Variants in KCNH1 observed in about 807,000 individuals in gnomAD.
The protein encoded by KCNH1 is potassium voltage-gated channel subfamily H member 1, also known as voltage-gated delayed rectifier potassium channel KCNH1.
Under a neutral mutation model 69.2 loss-of-function variants are expected in KCNH1, and 27 were observed. The observed-to-expected ratio is 0.39, with a 90% CI of 0.29 to 0.54. The LOEUF is 0.54. Among genes scored for constraint, KCNH1 ranks in the 20% least tolerant of loss-of-function variants. The pLI, the probability that KCNH1 is intolerant of heterozygous loss-of-function variation, is 0.68. For synonymous variants in KCNH1, 456 were observed against 487.7 expected (o/e 0.93, Z 0.86); for missense variants, 798 against 1,261.6 (o/e 0.63, Z 5.57).
chr1:211,081,928 G>A (rs1260668327), intron 5 of KCNH1, among the ~76,000 whole-genome samples: 2 of 152,104 alleles, frequency 1.3e-5, no homozygotes, highest in African/African-American at 2.4e-5. Flanking sequence ...TAATAAGCCT[G>A]CACTTTGTGC....
chr1:210,946,803 G>A (rs568891573), intron 6 of KCNH1, among the ~76,000 whole-genome samples: 4 of 152,144 alleles, frequency 2.6e-5, no homozygotes, highest in Admixed American at 6.5e-5. Context: ...TGTCCTTCAC[G>A]TAGGCGGGTT....
intron 10 of KCNH1, among the ~76,000 whole-genome samples, chr1:210,714,982 C>T (rs144710326): frequency 1.3e-5 from 2 of 152,194 alleles, no homozygotes; most frequent in Non-Finnish European, 2.9e-5. Flanking sequence ...CTGACCGGCA[C>T]AGACTACCCA....
chr1:210,817,004 A>G (rs1684830324), intron 7 of KCNH1, among the ~76,000 whole-genome samples: 1 of 152,182 alleles, frequency 6.6e-6, no homozygotes, highest in South Asian at 2.1e-4. Context: ...ATTTTTGCCA[A>G]CTCTAATCTC....
At chr1:210,959,882 C>T (rs940920408) in intron 6 of KCNH1, among the ~76,000 whole-genome samples, 73 of 152,336 alleles carry the variant, frequency 4.8e-4, no homozygotes, top group African/African-American at 1.7e-3. Flanking sequence ...CAATGCCCCG[C>T]CCTGCTTCAG....
Position 211,114,246 on chromosome 1 carries a change from T to C in KCNH1, c.80-6869A>G, listed in dbSNP as rs112563120. ...GCTCCAGATACTATGCAAGGGCCAC[T>C]TGTTTCCACCCCACACACCATCTTA... is the stretch of plus-strand genomic sequence containing the variant. On this transcript the variant is annotated intron_variant, in intron 1 of 10. Transcript: ENST00000271751. 3.8e-3 allele frequency among the ~76,000 whole-genome samples: 575 copies of C among 152,190 alleles called. 4 individuals are homozygous for C. The highest frequency in any genetic ancestry group is 0.013 in the African/African-American group (538 of 41,528).
At chr1:210,929,200 C>A (rs923813985) in intron 6 of KCNH1, among the ~76,000 whole-genome samples, 3 of 152,062 alleles carry the variant, frequency 2.0e-5, no homozygotes, top group African/African-American at 7.2e-5. Context: ...ACCCTACTAC[C>A]AAAATCAGGG....
At chr1:211,093,516 C>T (rs1299569205) in intron 3 of KCNH1, among the ~76,000 whole-genome samples, 2 of 152,134 alleles carry the variant, frequency 1.3e-5, no homozygotes, top group Non-Finnish European at 2.9e-5. Flanking sequence ...AAACCCCTGA[C>T]CTCAGGTGAT....
At chr1:210,989,931 A>G (rs1688908369) in intron 6 of KCNH1, among the ~76,000 whole-genome samples, 1 of 152,180 alleles carries the variant, frequency 6.6e-6, no homozygotes, top group South Asian at 2.1e-4. Context: ...CCTAGTCCCT[A>G]CTATTTCTTC....
At chr1:210,863,439 G>A (rs1049455605) in intron 7 of KCNH1, among the ~76,000 whole-genome samples, 15 of 152,164 alleles carry the variant, frequency 9.9e-5, no homozygotes, top group African/African-American at 3.4e-4. Context: ...TGGCTGAAGT[G>A]GACTTGACAT....
chr1:210,945,341 C>T (rs1239342314), intron 6 of KCNH1, among the ~76,000 whole-genome samples: 1 of 152,186 alleles, frequency 6.6e-6, no homozygotes, highest in Non-Finnish European at 1.5e-5. Flanking sequence ...AACATGACCT[C>T]ATTTAATTCT....
intron 5 of KCNH1, among the ~76,000 whole-genome samples, chr1:211,074,763 G>A (rs1266713153): frequency 2.0e-5 from 3 of 152,304 alleles, no homozygotes; most frequent in East Asian, 3.9e-4. Context: ...GCCTCATCCA[G>A]TCAGTCGAAA....
At chr1:210,795,962 A>AAAAC (rs377406387) in intron 9 of KCNH1, among the ~76,000 whole-genome samples, 1 of 135,984 alleles carries the variant, frequency 7.4e-6, no homozygotes, top group East Asian at 2.3e-4. Context: ...CTCTACTAAA[A>AAAAC]ACACACACAC....
At chr1:211,048,660 T>G (rs570335948) in intron 5 of KCNH1, among the ~76,000 whole-genome samples, 1 of 152,084 alleles carries the variant, frequency 6.6e-6, no homozygotes, top group Non-Finnish European at 1.5e-5. Flanking sequence ...TCCAAAGGCA[T>G]GAGAATGATA....
chr1:211,114,784 CAG>C (rs1691536770), intron 1 of KCNH1, among the ~76,000 whole-genome samples: 1 of 152,110 alleles, frequency 6.6e-6, no homozygotes, highest in Non-Finnish European at 1.5e-5. Flanking sequence ...ACTCAGTAAA[CAG>C]AAACCTAATT....
At chr1:210,786,458 T>C (rs1304507329) in intron 9 of KCNH1, among the ~76,000 whole-genome samples, 1 of 152,180 alleles carries the variant, frequency 6.6e-6, no homozygotes, top group Non-Finnish European at 1.5e-5. Flanking sequence ...CCTTGACTTC[T>C]GTTATATCCC....
chr1:210,959,068 T>C (rs915673460), intron 6 of KCNH1, among the ~76,000 whole-genome samples: 2 of 152,252 alleles, frequency 1.3e-5, no homozygotes, highest in Non-Finnish European at 2.9e-5. Flanking sequence ...CTTTGGTCTC[T>C]GATGTTGGTG....
At chr1:211,106,769 TG>T (rs1691355670) in intron 2 of KCNH1, among the ~76,000 whole-genome samples, 1 of 152,166 alleles carries the variant, frequency 6.6e-6, no homozygotes, top group Non-Finnish European at 1.5e-5. Flanking sequence ...TACTCCAGTC[TG>T]GGTGACAAAG....
intron 6 of KCNH1, among the ~76,000 whole-genome samples, chr1:211,007,962 T>C (rs1180642296): frequency 6.6e-6 from 1 of 152,078 alleles, no homozygotes; most frequent in East Asian, 1.9e-4. Flanking sequence ...GAATGTAAAA[T>C]GGTAAAGCTG....
At chr1:211,082,966 A>T (rs1257772457) in intron 4 of KCNH1, 68 bp from the exon 5 acceptor site, 11 of 1,277,546 alleles carry the variant, frequency 8.6e-6, no homozygotes, top group African/African-American at 1.5e-5. Context: ...CATTCACATT[A>T]CAAGTTATAC....
Sources: gnomAD v4.1 joint callset for allele counts (sites outside exome capture counted in the v4.1 genomes callset) on GRCh38, gnomAD v4.1.1 for gene constraint, MANE v1.5 for transcripts, NCBI Gene and HGNC (gene_info 2026-07-23, HGNC 2026-07-21) for gene names.